The following SYTL5 variants were observed in gnomAD, a reference collection of about 807,000 sequenced individuals.
The protein encoded by SYTL5 is synaptotagmin-like protein 5.
A neutral mutation model predicts 55.9 loss-of-function variants in SYTL5; 34 were observed. The ratio of observed to expected loss-of-function variants is 0.61; its 90% confidence interval spans 0.46 to 0.81. The LOEUF (loss-of-function observed/expected upper bound fraction) is 0.81, where lower values mean the gene tolerates loss of function less well. SYTL5 is among the 30% of genes least tolerant of loss of function. The pLI is 0.00. For missense variants in SYTL5, 637 were observed against 546.7 expected, an observed-to-expected ratio of 1.17 and a Z score of -1.65; for synonymous variants, 221 against 188.7, an observed-to-expected ratio of 1.17 and a Z score of -1.40.
At chrX:38,076,144 C>G (rs1464918408) in intron 5 of SYTL5, among the ~76,000 whole-genome samples, 1 of 112,063 alleles carries the variant, frequency 8.9e-6, no homozygotes, top group Non-Finnish European at 1.9e-5. Flanking sequence ...AGTCACTGCT[C>G]TCATGGAGCT....
chrX:37,908,293 A>G, the SYTL5 span, among the ~76,000 whole-genome samples: 3 of 111,575 alleles, frequency 2.7e-5, no homozygotes, highest in Non-Finnish European at 5.6e-5. Context: ...ATGACAGGAA[A>G]CGGGGTGGAA....
At chrX:37,976,122 C>G in the SYTL5 span, among the ~76,000 whole-genome samples, 1 of 112,047 alleles carries the variant, frequency 8.9e-6, no homozygotes, top group Non-Finnish European at 1.9e-5. Context: ...GAAATGTGAT[C>G]CAAGATACAA....
intron 13 of SYTL5, among the ~76,000 whole-genome samples, chrX:38,113,886 G>A (rs748920505): frequency 9.0e-6 from 1 of 110,900 alleles, no homozygotes; most frequent in Non-Finnish European, 1.9e-5. Flanking sequence ...AATGACTGGT[G>A]GATTAAGGAA....
the SYTL5 span, among the ~76,000 whole-genome samples, chrX:37,971,356 G>A: frequency 9.0e-6 from 1 of 111,219 alleles, no homozygotes; most frequent in African/African-American, 3.3e-5. Flanking sequence ...AGAAAGTCTG[G>A]TGTGCTAGAG....
At chrX:37,952,916 A>G in the SYTL5 span, among the ~76,000 whole-genome samples, 1 of 111,177 alleles carries the variant, frequency 9.0e-6, no homozygotes, top group African/African-American at 3.3e-5. Flanking sequence ...AGTGTAGGAA[A>G]CATTGAGTCT....
At chrX:37,969,538 C>T in the SYTL5 span, among the ~76,000 whole-genome samples, 1 of 112,049 alleles carries the variant, frequency 8.9e-6, no homozygotes, top group East Asian at 2.8e-4. Flanking sequence ...ACTTAATTTG[C>T]CTGTTTTCGA....
At chrX:37,987,897 G>A in the SYTL5 span, among the ~76,000 whole-genome samples, 2 of 111,684 alleles carry the variant, frequency 1.8e-5, no homozygotes, top group Non-Finnish European at 3.8e-5. Context: ...GCTTGATAAC[G>A]AATACTTTGT....
the SYTL5 span, among the ~76,000 whole-genome samples, chrX:37,967,805 T>C: frequency 1.8e-5 from 2 of 109,697 alleles, no homozygotes; most frequent in East Asian, 5.8e-4. Flanking sequence ...GTGTTTGAGA[T>C]TACTGATCCT....
intron 3 of SYTL5, among the ~76,000 whole-genome samples, chrX:38,063,530 C>T (rs1304267147): frequency 9.0e-6 from 1 of 111,075 alleles, no homozygotes; most frequent in East Asian, 2.8e-4. Flanking sequence ...TATTCATTAC[C>T]CAGTCTAAGA....
At chrX:37,962,646 C>CTT in the SYTL5 span, among the ~76,000 whole-genome samples, 39,530 of 110,264 alleles carry the variant, frequency 0.36, 5,091 homozygotes, top group East Asian at 0.6. Flanking sequence ...GAGGAATCAC[C>CTT]ACACTGTCTT....
the SYTL5 span, among the ~76,000 whole-genome samples, chrX:37,963,352 G>A: frequency 9.6e-6 from 1 of 104,285 alleles, no homozygotes; most frequent in African/African-American, 3.5e-5. Flanking sequence ...GCAGTGGCGT[G>A]ATCTCAGCTC....
chrX:38,017,297 A>G (rs1934386916), intron 1 of SYTL5, among the ~76,000 whole-genome samples: 1 of 112,208 alleles, frequency 8.9e-6, no homozygotes, highest in African/African-American at 3.2e-5. Context: ...CTAGAATGTT[A>G]GGCCAAGGAA....
the SYTL5 span, among the ~76,000 whole-genome samples, chrX:37,905,339 T>C: frequency 1.9e-5 from 2 of 106,038 alleles, no homozygotes; most frequent in Non-Finnish European, 3.9e-5. Context: ...TGGTGAGCAG[T>C]AGGGGTACTC....
the SYTL5 span, among the ~76,000 whole-genome samples, chrX:37,966,594 C>T: frequency 1.8e-5 from 2 of 109,066 alleles, no homozygotes; most frequent in Non-Finnish European, 3.8e-5. Context: ...CACGCCACCA[C>T]GTCTGGCTAA....
At chrX:37,970,171 A>G in the SYTL5 span, among the ~76,000 whole-genome samples, 1 of 111,369 alleles carries the variant, frequency 9.0e-6, no homozygotes, top group Admixed American at 9.5e-5. Flanking sequence ...AGCCAACTGA[A>G]TTATACAACC....
chrX:38,024,582 A>G (rs1177386235), intron 1 of SYTL5, among the ~76,000 whole-genome samples: 1 of 111,596 alleles, frequency 9.0e-6, no homozygotes. Context: ...AGTGGTTACA[A>G]GCAGGGTCCC....
rs1172971899 is a variant in SYTL5, at chrX:38,028,134, C to T, written c.-356-5400C>T. On this transcript the variant is annotated intron_variant, in intron 1 of 16. Transcript: ENST00000297875. ...CCACTGCGCCCAGCCAATTCTTCTCCTCTTGAGGTCCCAAGATAACCTTCA... is the reference window on the plus strand; with the variant it reads ...CCACTGCGCCCAGCCAATTCTTCTCTTCTTGAGGTCCCAAGATAACCTTCA... Among the ~76,000 whole-genome samples, 3 of 111,772 alleles carry T rather than the reference C, an allele frequency of 2.7e-5. No homozygotes were observed. In the Admixed American group the frequency reaches 2.8e-4, roughly 11 times the overall value.
At chrX:38,057,024 T>C (rs1935807930) in intron 3 of SYTL5, among the ~76,000 whole-genome samples, 1 of 112,062 alleles carries the variant, frequency 8.9e-6, no homozygotes, top group African/African-American at 3.2e-5. Flanking sequence ...TGATTGCCTG[T>C]GCTTGTGGGG....
chrX:37,956,319 CCT>C, the SYTL5 span, among the ~76,000 whole-genome samples: 80 of 108,373 alleles, frequency 7.4e-4, no homozygotes, highest in African/African-American at 2.4e-3. Flanking sequence ...TGAGATCTAC[CCT>C]CTCTACAAAT....
Sources: allele counts gnomAD v4.1 joint callset (sites outside exome capture counted in the v4.1 genomes callset), GRCh38; gene constraint gnomAD v4.1.1; transcripts MANE v1.5; gene names NCBI Gene and HGNC (gene_info 2026-07-23, HGNC 2026-07-21).